FAM168A: variants seen among roughly 807,000 people sequenced by gnomAD.
FAM168A encodes the protein protein FAM168A.
A neutral mutation model predicts 28.5 loss-of-function variants in FAM168A; 3 were observed. The ratio of observed to expected loss-of-function variants is 0.11; its 90% confidence interval spans 0.05 to 0.27. The LOEUF (loss-of-function observed/expected upper bound fraction) is 0.27, where lower values mean the gene tolerates loss of function less well. Among genes scored for constraint, FAM168A ranks in the 10% least tolerant of loss-of-function variants. FAM168A has a pLI of 1.00. For synonymous variants in FAM168A, 122 were observed against 124.2 expected, an observed-to-expected ratio of 0.98 and a Z score of 0.12; for missense variants, 222 against 311.5, an observed-to-expected ratio of 0.71 and a Z score of 2.16.
intron 1 of FAM168A, among the ~76,000 whole-genome samples, chr11:73,533,487 CAG>C (rs1156696883): frequency 2.0e-5 from 3 of 151,822 alleles, no homozygotes; most frequent in African/African-American, 7.3e-5. Flanking sequence ...GAGCACCACA[CAG>C]AGTAGGAGAA....
chr11:73,513,716 G>A (rs146454729), intron 1 of FAM168A, among the ~76,000 whole-genome samples: 14 of 152,136 alleles, frequency 9.2e-5, no homozygotes, highest in East Asian at 5.8e-4. Flanking sequence ...TCAACAAATC[G>A]TTTTTATATT....
chr11:73,580,556 G>A, intron 1 of FAM168A: 2 of 555,750 alleles, frequency 3.6e-6, no homozygotes, highest in South Asian at 2.9e-5. Flanking sequence ...TGTACTTCTG[G>A]TGACTGTACA....
intron 3 of FAM168A, chr11:73,424,978 C>T (rs560942268): frequency 1.4e-6 from 2 of 1,462,512 alleles, no homozygotes; most frequent in East Asian, 2.5e-5. Flanking sequence ...CGAGAGAACA[C>T]ATTCATAGGC....
intron 2 of FAM168A, among the ~76,000 whole-genome samples, chr11:73,442,962 A>ATG (rs1867228395): frequency 1.2e-5 from 1 of 82,346 alleles, no homozygotes; most frequent in Admixed American, 1.0e-4. Flanking sequence ...AAGGATATAT[A>ATG]TATATATATA....
chr11:73,467,067 T>C (rs868202949), intron 2 of FAM168A, among the ~76,000 whole-genome samples: 4 of 152,144 alleles, frequency 2.6e-5, no homozygotes, highest in Middle Eastern at 3.4e-3. Flanking sequence ...ATTTGAAACT[T>C]TGGCCTGTAT....
At chr11:73,519,359 CA>C (rs1565280867) in intron 1 of FAM168A, among the ~76,000 whole-genome samples, 2 of 152,162 alleles carry the variant, frequency 1.3e-5, no homozygotes, top group Non-Finnish European at 2.9e-5. Context: ...TACCATGTGT[CA>C]GGCCCCAGAC....
intron 1 of FAM168A, among the ~76,000 whole-genome samples, chr11:73,579,786 A>G (rs1784873281): frequency 6.6e-6 from 1 of 152,246 alleles, no homozygotes; most frequent in Non-Finnish European, 1.5e-5. Context: ...AATAACCTTC[A>G]GCAGCACAGA....
chr11:73,494,728 A>G (rs1854835548), intron 1 of FAM168A, among the ~76,000 whole-genome samples: 1 of 152,156 alleles, frequency 6.6e-6, no homozygotes, highest in Non-Finnish European at 1.5e-5. Context: ...TTTTAGAAGA[A>G]GTTAGGTCAT....
intron 1 of FAM168A, among the ~76,000 whole-genome samples, chr11:73,532,786 A>C (rs1478583650): frequency 6.6e-6 from 1 of 152,252 alleles, no homozygotes; most frequent in African/African-American, 2.4e-5. Flanking sequence ...GGGCGGATGC[A>C]TCATGCACCG....
intron 1 of FAM168A, among the ~76,000 whole-genome samples, chr11:73,556,966 T>C (rs1199159678): frequency 1.3e-5 from 2 of 151,440 alleles, no homozygotes; most frequent in African/African-American, 4.9e-5. Flanking sequence ...GAGGCAGAGG[T>C]TGCAGTGAGC....
intron 2 of FAM168A, among the ~76,000 whole-genome samples, chr11:73,452,543 G>A (rs1281196767): frequency 6.6e-6 from 1 of 152,138 alleles, no homozygotes; most frequent in African/African-American, 2.4e-5. Flanking sequence ...TGGGGTGAGG[G>A]GGTGAGTGGG....
In FAM168A at chr11:73,487,654, C is replaced by T. The variant is rs577196703; in HGVS notation, c.-18-19162G>A. 4.6e-4 allele frequency among the ~76,000 whole-genome samples: 70 copies of T among 152,208 alleles called. 1 individual carries two copies. The South Asian group carries it at 0.014, about 30-fold the overall frequency. On this transcript the variant is annotated intron_variant, in intron 1 of 7. Transcript: ENST00000356467. ...CTCTCCTCCACTGATCTTGACATTT[C>T]CACCCAACCTCAGCCTCTCATTTCC...
chr11:73,585,350 T>C (rs1167943294), intron 1 of FAM168A, among the ~76,000 whole-genome samples: 1 of 152,206 alleles, frequency 6.6e-6, no homozygotes, highest in Non-Finnish European at 1.5e-5. Context: ...AATTATGTAC[T>C]ATTATTACTA....
At chr11:73,454,007 G>A (rs1314880422) in intron 2 of FAM168A, among the ~76,000 whole-genome samples, 2 of 152,184 alleles carry the variant, frequency 1.3e-5, no homozygotes, top group African/African-American at 4.8e-5. Flanking sequence ...GGATACTTAT[G>A]GACAGGCTGG....
At chr11:73,428,469 A>G (rs1296854549) in intron 3 of FAM168A, among the ~76,000 whole-genome samples, 1 of 152,204 alleles carries the variant, frequency 6.6e-6, no homozygotes, top group East Asian at 1.9e-4. Flanking sequence ...CAATGCTTCC[A>G]ATGAGGCCAC....
intron 1 of FAM168A, among the ~76,000 whole-genome samples, chr11:73,474,157 C>G (rs1867855111): frequency 6.6e-6 from 1 of 151,930 alleles, no homozygotes; most frequent in Admixed American, 6.6e-5. Context: ...GATGCTATAA[C>G]AGAATAGCTG....
In FAM168A at chr11:73,404,185, C is replaced by A. The variant is rs1037261686; in HGVS notation, c.*2578G>T. The A allele has an allele frequency of 7.2e-5, 11 of 152,264 alleles. No homozygotes were observed. The highest frequency in any genetic ancestry group is 6.5e-4 in the Admixed American group (10 of 15,286). The allele number at this position is 152,264 out of a possible 1,614,324, so 9.4% of individuals were successfully genotyped here. ...GTTGAAAGAACAAAAGTTACAAGGT[C>A]ATTCCTAGGTCTCCTCTTCTTCCTT... On this transcript the variant is annotated 3_prime_UTR_variant, in exon 8 of 8. Coordinates refer to ENST00000356467, the MANE Select transcript of FAM168A (RefSeq NM_015159.3).
intron 1 of FAM168A, among the ~76,000 whole-genome samples, chr11:73,578,983 G>T (rs1405959310): frequency 6.6e-6 from 1 of 152,198 alleles, no homozygotes; most frequent in African/African-American, 2.4e-5. Context: ...GGAAGTCCAA[G>T]ATCAAGGTAC....
chr11:73,556,898 A>G (rs1943898153), intron 1 of FAM168A, among the ~76,000 whole-genome samples: 1 of 151,926 alleles, frequency 6.6e-6, no homozygotes, highest in African/African-American at 2.4e-5. Flanking sequence ...GCATGGTGGC[A>G]CGCACCTATA....
Sources: allele counts gnomAD v4.1 joint callset (sites outside exome capture counted in the v4.1 genomes callset), GRCh38; gene constraint gnomAD v4.1.1; transcripts MANE v1.5; gene names NCBI Gene and HGNC (gene_info 2026-07-23, HGNC 2026-07-21).